The following MYT1L variants were observed in gnomAD, a reference collection of about 807,000 sequenced individuals.
The protein encoded by MYT1L is myelin transcription factor 1-like protein.
Under a neutral mutation model 126.7 loss-of-function variants are expected in MYT1L, and 12 were observed. The ratio of observed to expected loss-of-function variants is 0.09; its 90% CI spans 0.06 to 0.15. The LOEUF (loss-of-function observed/expected upper bound fraction) is 0.15, where lower values mean the gene tolerates loss of function less well. Among genes scored for constraint, MYT1L ranks in the 10% least tolerant of loss-of-function variants. The pLI is 1.00. For synonymous variants in MYT1L, 541 were observed against 604.2 expected, an observed-to-expected ratio of 0.90 and a Z score of 1.53; for missense variants, 979 against 1,585.2, an observed-to-expected ratio of 0.62 and a Z score of 6.49.
rs188718811 is a variant in MYT1L at position 2,174,141 on chromosome 2, G to A, written c.-420-1153C>T. ...CCTGAAAAATCAAGGTTCAAAATTT[G>A]AATGAGAGTTAGCGTATTCGTTTTG... On this transcript the variant is annotated intron_variant, in intron 2 of 24. Coordinates refer to ENST00000647738, the MANE Select transcript of MYT1L (RefSeq NM_001303052.2). Among the ~76,000 whole-genome samples the A allele has an allele frequency of 3.3e-5, 5 of 152,308 alleles. No individual in the cohort carries two copies. The East Asian group carries it at 9.6e-4, about 29-fold the overall frequency.
intron 9 of MYT1L, among the ~76,000 whole-genome samples, chr2:1,932,357 T>C (rs2055121667): frequency 6.6e-6 from 1 of 152,228 alleles, no homozygotes. Context: ...ACAACCCTTT[T>C]ATCAGATCCA....
At chr2:2,263,048 A>C (rs2095028735) in intron 2 of MYT1L, among the ~76,000 whole-genome samples, 1 of 149,394 alleles carries the variant, frequency 6.7e-6, no homozygotes, top group South Asian at 2.1e-4. Context: ...AGGGCAAAAA[A>C]CACAAACAAA....
At chr2:2,061,426 CA>C (rs767141509) in intron 3 of MYT1L, among the ~76,000 whole-genome samples, 1 of 152,140 alleles carries the variant, frequency 6.6e-6, no homozygotes, top group Non-Finnish European at 1.5e-5. Flanking sequence ...TTATGCTATT[CA>C]GTTCTAAATA....
chr2:2,311,354 C>A lies in MYT1L; in HGVS notation c.-521+19613G>T, dbSNP rs7581288. The stretch of plus-strand genomic sequence containing the variant: ...GTATCTAGACAAGGATGCAGCTGAG[C>A]GGCCTGGATCAGGCTACTGCTCTGC... On this transcript the variant is annotated intron_variant, in intron 1 of 24. Coordinates refer to ENST00000647738, the MANE Select transcript of MYT1L (RefSeq NM_001303052.2). Among the ~76,000 whole-genome samples, 77 of 151,972 alleles carry A rather than the reference C, an allele frequency of 5.1e-4. 1 individual carries two copies. The highest frequency in any genetic ancestry group is 5.8e-4 in the East Asian group (3 of 5,200).
At chr2:1,965,838 C>G (rs2059312242) in intron 8 of MYT1L, among the ~76,000 whole-genome samples, 1 of 152,236 alleles carries the variant, frequency 6.6e-6, no homozygotes, top group Non-Finnish European at 1.5e-5. Context: ...CCTGTCTGGG[C>G]AGCGGACAAG....
intron 1 of MYT1L, among the ~76,000 whole-genome samples, chr2:2,296,772 G>A (rs769400591): frequency 5.3e-5 from 8 of 152,096 alleles, no homozygotes; most frequent in Non-Finnish European, 1.0e-4. Context: ...GGATGGTCTC[G>A]GCCTGGAGAC....
At chr2:1,956,600 C>A (rs2149357268) in intron 8 of MYT1L, among the ~76,000 whole-genome samples, 1 of 150,496 alleles carries the variant, frequency 6.6e-6, no homozygotes, top group South Asian at 2.1e-4. Flanking sequence ...ATCTATCTAT[C>A]TATCTATCTA....
At position 1,793,745 on chromosome 2, in the gene MYT1L, TCA is replaced by T. The variant is rs1395319471; in HGVS notation, c.3277-1283_3277-1282del. 6.6e-6 allele frequency among the ~76,000 whole-genome samples: 1 copy of T among 152,130 alleles called. No homozygotes were observed. The highest frequency in any genetic ancestry group is 1.5e-5 in the Non-Finnish European group (1 of 68,034). ...GTCCCCTGTGGAGAACACACTGAAA[TCA>T]CACAGATTTATTTCCATGCACGTCC... On this transcript the variant is annotated intron_variant, in intron 23 of 24. Transcript: ENST00000647738. This position sits in a 1 kb window ranked among gnomAD's most constrained non-coding sequence, Gnocchi z 4.6.
intron 4 of MYT1L, among the ~76,000 whole-genome samples, chr2:2,033,632 T>A (rs2066653501): frequency 6.6e-6 from 1 of 152,042 alleles, no homozygotes; most frequent in African/African-American, 2.4e-5. Flanking sequence ...AAATCTGGGT[T>A]TCACCTTGCT....
intron 18 of MYT1L, among the ~76,000 whole-genome samples, chr2:1,863,224 T>C (rs2044950391): frequency 6.6e-6 from 1 of 152,106 alleles, no homozygotes; most frequent in Admixed American, 6.5e-5. Flanking sequence ...GAGAACTGAG[T>C]GTGGAGTGTG....
At chr2:2,196,130 G>T (rs1463405939) in intron 2 of MYT1L, among the ~76,000 whole-genome samples, 1 of 151,674 alleles carries the variant, frequency 6.6e-6, no homozygotes, top group Non-Finnish European at 1.5e-5. Flanking sequence ...CAAATATCAG[G>T]AAAAAATTTT....
chr2:2,138,145 TATC>T (rs1220654240), intron 3 of MYT1L, among the ~76,000 whole-genome samples: 13 of 152,276 alleles, frequency 8.5e-5, no homozygotes, highest in African/African-American at 2.9e-4. Flanking sequence ...ATGAGATAGA[TATC>T]ATCTCACACC....
At chr2:1,956,507 TTCTA>T (rs201077164) in intron 8 of MYT1L, among the ~76,000 whole-genome samples, 13,859 of 111,512 alleles carry the variant, frequency 0.12, 1,024 homozygotes, top group Non-Finnish European at 0.14. Context: ...ATATTTCCTA[TTCTA>T]TCTATCTATC....
intron 3 of MYT1L, among the ~76,000 whole-genome samples, chr2:2,112,477 C>A (rs988656840): frequency 1.1e-4 from 17 of 152,190 alleles, no homozygotes; most frequent in African/African-American, 4.1e-4. Flanking sequence ...TACTGACTTC[C>A]TTCTGCAAAG....
At chr2:1,814,003 G>T (rs1262632477) in intron 21 of MYT1L, among the ~76,000 whole-genome samples, 1 of 141,196 alleles carries the variant, frequency 7.1e-6, no homozygotes, top group Non-Finnish European at 1.5e-5. Flanking sequence ...CTCCAGCCTG[G>T]GCGACAGAGC....
At chr2:2,213,731 C>T (rs2093600449) in intron 2 of MYT1L, among the ~76,000 whole-genome samples, 1 of 152,174 alleles carries the variant, frequency 6.6e-6, no homozygotes, top group African/African-American at 2.4e-5. Flanking sequence ...AACTTAACTG[C>T]TTCCAAGAGG....
chr2:2,027,161 G>C (rs1574631242), intron 4 of MYT1L, among the ~76,000 whole-genome samples: 1 of 152,140 alleles, frequency 6.6e-6, no homozygotes, highest in South Asian at 2.1e-4. Context: ...AGAGAGGCAG[G>C]TGCAGCTGCC....
chr2:1,871,411 C>T (rs1182939280), intron 18 of MYT1L, among the ~76,000 whole-genome samples: 2 of 152,236 alleles, frequency 1.3e-5, no homozygotes, highest in Admixed American at 6.5e-5. Flanking sequence ...CCTGGAGAAC[C>T]GGGATACCAA....
intron 4 of MYT1L, among the ~76,000 whole-genome samples, chr2:2,002,580 C>G (rs749197777): frequency 6.6e-6 from 1 of 152,194 alleles, no homozygotes; most frequent in Non-Finnish European, 1.5e-5. Context: ...AAGCATTATA[C>G]TAACTGCAAA....
Sources: gnomAD v4.1 joint callset for allele counts (sites outside exome capture counted in the v4.1 genomes callset) on GRCh38, gnomAD v4.1.1 for gene constraint, Gnocchi (gnomAD v3.1) non-coding constraint, MANE v1.5 for transcripts, NCBI Gene and HGNC (gene_info 2026-07-23, HGNC 2026-07-21) for gene names.